The following ZMYND11 variants were observed in gnomAD, a reference collection of about 807,000 sequenced individuals.
ZMYND11 encodes zinc finger MYND domain-containing protein 11.
A neutral mutation model predicts 84.9 loss-of-function variants in ZMYND11; 9 were observed. The observed-to-expected ratio is 0.11, with a 90% CI of 0.06 to 0.18. ZMYND11 has a LOEUF of 0.18. ZMYND11 is among the 10% of genes least tolerant of loss of function. The pLI is 1.00. For synonymous variants in ZMYND11, 250 were observed against 244.1 expected (o/e 1.02, Z -0.23); for missense variants, 409 against 761.0 (o/e 0.54, Z 5.44).
At chr10:206,847 T>G (rs1206670490) in intron 2 of ZMYND11, among the ~76,000 whole-genome samples, 2 of 152,082 alleles carry the variant, frequency 1.3e-5, no homozygotes, top group African/African-American at 4.8e-5. Context: ...TTTAATTTTT[T>G]TATTATTATT....
intron 2 of ZMYND11, among the ~76,000 whole-genome samples, chr10:197,449 G>A (rs1400192257): frequency 1.3e-5 from 2 of 152,170 alleles, no homozygotes. Flanking sequence ...GAAGAGGAAA[G>A]CAAAGTTTAG....
chr10:143,091 T>G (rs1472370871), intron 1 of ZMYND11, among the ~76,000 whole-genome samples: 2 of 152,224 alleles, frequency 1.3e-5, no homozygotes, highest in East Asian at 3.8e-4. Context: ...CTTGTGTAAG[T>G]TCAATTTGGA....
At chr10:145,708 T>C (rs764717665) in intron 1 of ZMYND11, among the ~76,000 whole-genome samples, 41 of 152,188 alleles carry the variant, frequency 2.7e-4, no homozygotes, top group Non-Finnish European at 3.8e-4. Flanking sequence ...TTGAGAAGTG[T>C]CTATTCATGT....
In ZMYND11 at chr10:176,225, A is replaced by G. The variant is rs1846587078; in HGVS notation, c.-19-3769A>G. ...TGGATTTGTTGGGATAGAGAATATC[A>G]GTATCACCTAGGGGCTTATTAAAGT... is the stretch of plus-strand genomic sequence containing the variant. On this transcript the variant is annotated intron_variant, in intron 1 of 14. Coordinates refer to ENST00000381604, the MANE Select transcript of ZMYND11 (RefSeq NM_001370100.5). Among the ~76,000 whole-genome samples the G allele has an allele frequency of 2.6e-5, 4 of 152,148 alleles. No homozygotes were observed. In the South Asian group the frequency reaches 8.3e-4, roughly 31 times the overall value.
intron 14 of ZMYND11, among the ~76,000 whole-genome samples, chr10:250,009 GT>G (rs1953046177): frequency 6.6e-6 from 1 of 152,110 alleles, no homozygotes; most frequent in Non-Finnish European, 1.5e-5. Context: ...TTTATTTTCT[GT>G]TAAAAAAACA....
At chr10:227,044 A>G (rs1191839655) in intron 4 of ZMYND11, among the ~76,000 whole-genome samples, 1 of 152,226 alleles carries the variant, frequency 6.6e-6, no homozygotes, top group African/African-American at 2.4e-5. Flanking sequence ...TGTAGGGTGA[A>G]TCAAAATCAG....
chr10:197,328 T>C (rs1412899332), intron 2 of ZMYND11, among the ~76,000 whole-genome samples: 1 of 152,148 alleles, frequency 6.6e-6, no homozygotes. Context: ...ATACACATGG[T>C]ATATTTCATT....
intron 14 of ZMYND11, chr10:249,509 C>T: frequency 2.0e-6 from 2 of 984,584 alleles, no homozygotes; most frequent in Non-Finnish European, 2.4e-6. Flanking sequence ...AACATTTATA[C>T]ATTAGATTTT....
intron 3 of ZMYND11, 74 bp downstream of exon 3, chr10:210,122 A>G (rs1260233963): frequency 6.7e-7 from 1 of 1,489,532 alleles, no homozygotes; most frequent in East Asian, 2.3e-5. Context: ...TACAACCTAT[A>G]GAAAATCATT....
At chr10:232,018 C>T (rs1949091024) in intron 4 of ZMYND11, among the ~76,000 whole-genome samples, 1 of 152,186 alleles carries the variant, frequency 6.6e-6, no homozygotes, top group Non-Finnish European at 1.5e-5. Flanking sequence ...GAAGAATCCT[C>T]AGGCCTGCAA....
chr10:249,107 T>A lies in ZMYND11; in HGVS notation c.1686+19T>A. On this transcript the variant is annotated intron_variant, in intron 14 of 14. Coordinates refer to ENST00000381604, the MANE Select transcript of ZMYND11 (RefSeq NM_001370100.5). ...GCAGTGGGTAAATACCAGTCTTTTTTAGACCCTTATTTCTGAAAATGTACC... is the reference window on the plus strand; with the variant it reads ...GCAGTGGGTAAATACCAGTCTTTTTAAGACCCTTATTTCTGAAAATGTACC... The A allele has an allele frequency of 6.2e-7, 1 of 1,613,970 alleles. No homozygotes were observed. The highest frequency in any genetic ancestry group is 8.5e-7 in the Non-Finnish European group (1 of 1,180,002).
rs962728539 is a variant in ZMYND11 at position 212,549 on chromosome 10, C to T, written c.276+2501C>T. On this transcript the variant is annotated intron_variant, in intron 3 of 14. Coordinates refer to ENST00000381604, the MANE Select transcript of ZMYND11 (RefSeq NM_001370100.5). Reference sequence around the variant, plus strand: ...TCACAAATAAACAGGGGTTTCAGATCCAATTCAAGCCTTTATTTAGTTATG... The same window carrying T: ...TCACAAATAAACAGGGGTTTCAGATTCAATTCAAGCCTTTATTTAGTTATG... Among the ~76,000 whole-genome samples, 4 of 151,254 alleles carry T rather than the reference C, an allele frequency of 2.6e-5. No individual in the cohort carries two copies. The Admixed American group carries it at 2.6e-4, about 10-fold the overall frequency.
At chr10:222,626 T>C (rs1947320049) in intron 4 of ZMYND11, among the ~76,000 whole-genome samples, 1 of 152,158 alleles carries the variant, frequency 6.6e-6, no homozygotes, top group Non-Finnish European at 1.5e-5. Flanking sequence ...TGGATTTCGA[T>C]TGTACATTTT....
intron 1 of ZMYND11, among the ~76,000 whole-genome samples, chr10:153,125 C>T (rs1371153965): frequency 3.3e-5 from 5 of 152,168 alleles, no homozygotes; most frequent in Non-Finnish European, 7.3e-5. Context: ...GATATGTTCT[C>T]TAGGTAATTC....
At chr10:160,172 C>G (rs1220149843) in intron 1 of ZMYND11, among the ~76,000 whole-genome samples, 1 of 152,138 alleles carries the variant, frequency 6.6e-6, no homozygotes, top group East Asian at 1.9e-4. Context: ...TCCAGACCAC[C>G]ACAACAAAGT....
chr10:224,581 A>T (rs1184912209), intron 4 of ZMYND11, among the ~76,000 whole-genome samples: 2 of 152,206 alleles, frequency 1.3e-5, no homozygotes, highest in Non-Finnish European at 2.9e-5. Flanking sequence ...ATAAGAAAAA[A>T]TTCCCAGAAA....
chr10:180,654 G>A (rs997729991), intron 2 of ZMYND11, among the ~76,000 whole-genome samples: 18 of 152,288 alleles, frequency 1.2e-4, no homozygotes, highest in South Asian at 8.3e-4. Flanking sequence ...CCGCCTTGGC[G>A]TCCCAAAGTG....
rs925053137 is a variant in ZMYND11 at position 171,140 on chromosome 10, C to G, written c.-19-8854C>G. Among the ~76,000 whole-genome samples, 6 of 152,156 alleles carry G rather than the reference C, an allele frequency of 3.9e-5. No individual in the cohort carries two copies. The South Asian group carries it at 1.2e-3, about 32-fold the overall frequency. ...AAGGCATAACAGTGCTTAATGTGTA[C>G]GCACCTAACAACCAAGCATCAGAAT... On this transcript the variant is annotated intron_variant, in intron 1 of 14. Coordinates refer to ENST00000381604, the MANE Select transcript of ZMYND11 (RefSeq NM_001370100.5).
intron 1 of ZMYND11, among the ~76,000 whole-genome samples, chr10:150,599 TG>T (rs1248259716): frequency 1.3e-5 from 2 of 152,184 alleles, no homozygotes; most frequent in Non-Finnish European, 2.9e-5. Context: ...AGGCTCGAAC[TG>T]GGTGGAGCCC....
Sources: gnomAD v4.1 joint callset for allele counts (sites outside exome capture counted in the v4.1 genomes callset) on GRCh38, gnomAD v4.1.1 for gene constraint, MANE v1.5 for transcripts, NCBI Gene and HGNC (gene_info 2026-07-23, HGNC 2026-07-21) for gene names.